ITGB4: variants seen among roughly 807,000 people sequenced by gnomAD.
ITGB4 encodes the protein integrin beta-4.
In ITGB4, 159 loss-of-function variants were observed where a neutral mutation model predicts 207.6. The observed-to-expected ratio is 0.77, with a 90% CI of 0.67 to 0.87. The LOEUF (loss-of-function observed/expected upper bound fraction) is 0.87, where lower values mean the gene tolerates loss of function less well. ITGB4 is among the 40% of genes least tolerant of loss of function. ITGB4 has a pLI of 0.00. For synonymous variants in ITGB4, 1,020 were observed against 1,062.7 expected (o/e 0.96, Z 0.78); for missense variants, 2,278 against 2,546.8 (o/e 0.89, Z 2.27).
rs752995491 is a variant in ITGB4, at chr17:75,752,544, G to A, written c.4075G>A (p.Gly1359Ser). ...CGATGACGTTCTACGCTCTCCATCG[G>A]GCAGCCAGAGGCCCAGCGTCTCCGA... is the stretch of plus-strand genomic sequence containing the variant. ...YSDDVLRSPS[G>S]SQRPSVSDDT... The change falls in exon 32 of 40, where the codon GGC becomes AGC. Residue 1359 changes from glycine to serine, a missense_variant. Physicochemically the swap from Gly to Ser is moderately conservative, Grantham distance 56 (BLOSUM62 0). Coordinates refer to ENST00000200181, the MANE Select transcript of ITGB4 (RefSeq NM_000213.5). 2 of 1,613,586 alleles carry A rather than the reference G, an allele frequency of 1.2e-6. No homozygotes were observed. The highest frequency in any genetic ancestry group is 3.3e-5 in the Admixed American group (2 of 60,020).
At chr17:75,736,479 G>T in intron 15 of ITGB4, 86 bp from the exon 16 acceptor site, 1 of 1,607,850 alleles carries the variant, frequency 6.2e-7, no homozygotes, top group South Asian at 1.1e-5. Flanking sequence ...CACAGGAGCT[G>T]GCCAAGGGCA....
chr17:75,731,028 G>A lies in ITGB4; in HGVS notation c.1092+64G>A. 7 of 1,491,218 alleles carry A rather than the reference G, an allele frequency of 4.7e-6. No individual in the cohort carries two copies. The highest frequency in any genetic ancestry group is 6.5e-6 in the Non-Finnish European group (7 of 1,070,422). 92.4% of individuals were successfully genotyped at this position (1,491,218 alleles called of 1,614,324 possible). A position where few individuals can be genotyped will look rare whatever the true frequency, so the allele number is the denominator to read the frequency against. The stretch of plus-strand genomic sequence containing the variant: ...GGGCAGGGCAGGAAGTGGGCAGGGT[G>A]GGCAAGAGGTGTCTTGGATCACGGT... On this transcript the variant is annotated intron_variant, in intron 9 of 39. Coordinates refer to ENST00000200181, the MANE Select transcript of ITGB4 (RefSeq NM_000213.5). The surrounding 1 kb of genome is among the most constrained non-coding windows in gnomAD (Gnocchi z 6.8).
chr17:75,723,631 C>A (rs952802296), intron 1 of ITGB4, among the ~76,000 whole-genome samples: 14 of 152,266 alleles, frequency 9.2e-5, no homozygotes, highest in Non-Finnish European at 1.6e-4. Context: ...AAGCAGGCTA[C>A]GCCTTCCTGC....
Position 75,753,892 on chromosome 17 carries a change from GC to G in ITGB4, c.4240del (p.His1414ThrfsTer30). 7 of 1,302,150 alleles carry G rather than the reference GC, an allele frequency of 5.4e-6. No individual in the cohort carries two copies. The highest frequency in any genetic ancestry group is 6.8e-6 in the Non-Finnish European group (7 of 1,030,724). 80.7% of individuals were successfully genotyped at this position (1,302,150 alleles called of 1,614,324 possible). A position where few individuals can be genotyped will look rare whatever the true frequency, so the allele number is the denominator to read the frequency against. Reference protein sequence around the residue: ...SSGRSSDAEAPHGPPDDGGAG... With the variant: ...SSGRSSDAEAXHGPPDDGGAG... ...GCGGGCGCTCCTCCGACGCCGAGGC[GC>G]CCCACGGGCCCCCGGACGACGGCGG... On this transcript the variant is annotated frameshift_variant, in exon 33 of 40. Coordinates refer to ENST00000200181, the MANE Select transcript of ITGB4 (RefSeq NM_000213.5). LOFTEE classifies it high-confidence loss of function.
At position 75,737,409 on chromosome 17, in the gene ITGB4, G is replaced by C. The variant is rs771521521; in HGVS notation, c.2078G>C (p.Gly693Ala). 2.6e-6 allele frequency: 4 copies of C among 1,560,118 alleles called. No homozygotes were observed. In the African/African-American group the frequency reaches 5.5e-5, roughly 21 times the overall value. Residue 693 changes from glycine to alanine, a missense_variant, in exon 17 of 40, where the codon GGG becomes GCG. By Grantham distance (60) the Gly-to-Ala change is moderately conservative. Coordinates refer to ENST00000200181, the MANE Select transcript of ITGB4 (RefSeq NM_000213.5). ...ACCATGGAAGGTGACGGCGCCCCTG[G>C]GCCCAACAGCACTGTCCTGGTGCAC... ...SYTMEGDGAP[G>A]PNSTVLVHKK...
chr17:75,727,239 G>A lies in ITGB4; in HGVS notation c.124G>A (p.Val42Ile), dbSNP rs1568342331. Residue 42 changes from valine to isoleucine, a missense_variant, in exon 3 of 40, where the codon GTC (valine) becomes ATC (isoleucine). Physicochemically the swap from Val to Ile is conservative, Grantham distance 29. Coordinates refer to ENST00000200181, the MANE Select transcript of ITGB4 (RefSeq NM_000213.5). This position sits in a 1 kb window ranked among gnomAD's most constrained non-coding sequence, Gnocchi z 6.0. ...KAPVKSCTEC[V>I]RVDKDCAYCT... ...CCCAGTGAAGAGCTGCACGGAGTGT[G>A]TCCGTGTGGATAAGGACTGCGCCTA... 4 of 1,614,092 alleles carry A rather than the reference G, an allele frequency of 2.5e-6. No individual in the cohort carries two copies. The highest frequency in any genetic ancestry group is 8.5e-7 in the Non-Finnish European group (1 of 1,180,002).
At position 75,727,159 on chromosome 17, in the gene ITGB4, G is replaced by A. The variant is rs2584100; in HGVS notation, c.80-36G>A. The A allele has an allele frequency of 0.54, 864,947 of 1,589,292 alleles. 243,720 individuals carry two copies. The highest frequency in any genetic ancestry group is 0.58 in the Non-Finnish European group (677,335 of 1,159,812). ...GGGAAAGTGCTTGCCTTTGCTGAGC[G>A]CCTCCCCATTCATGTGCCCACATCT... On this transcript the variant is annotated intron_variant, in intron 2 of 39. Coordinates refer to ENST00000200181, the MANE Select transcript of ITGB4 (RefSeq NM_000213.5). This position sits in a 1 kb window ranked among gnomAD's most constrained non-coding sequence, Gnocchi z 6.0.
Position 75,722,853 on chromosome 17 carries a change from A to C in ITGB4, c.-11+1241A>C, listed in dbSNP as rs538167813. 6.6e-6 allele frequency among the ~76,000 whole-genome samples: 1 copy of C among 151,334 alleles called. No individual in the cohort carries two copies. Among genetic ancestry groups the C allele is most frequent in the Admixed American group, 6.6e-5 (1 of 15,186 alleles). ...ATGGCATTCAGGGTGGCAGTCACACACTCCAGGGACCTGCTGGTACATAAA... is the reference window on the plus strand; with the variant it reads ...ATGGCATTCAGGGTGGCAGTCACACCCTCCAGGGACCTGCTGGTACATAAA... On this transcript the variant is annotated intron_variant, in intron 1 of 39. Coordinates refer to ENST00000200181, the MANE Select transcript of ITGB4 (RefSeq NM_000213.5). The surrounding 1 kb of genome is among the most constrained non-coding windows in gnomAD (Gnocchi z 6.2).
chr17:75,727,220 GA>G lies in ITGB4; in HGVS notation c.107del (p.Lys36ArgfsTer125), dbSNP rs2060737432. 6.2e-7 allele frequency: 1 copy of G among 1,614,096 alleles called. No individual in the cohort carries two copies. Among genetic ancestry groups the G allele is most frequent in the South Asian group, 1.1e-5 (1 of 91,036 alleles). On this transcript the variant is annotated frameshift_variant, in exon 3 of 40. Transcript: ENST00000200181. LOFTEE classifies it high-confidence loss of function. The surrounding 1 kb of genome is among the most constrained non-coding windows in gnomAD (Gnocchi z 6.0). ...LANRCKKAPV[K>X]SCTECVRVDK... ...CAAACCGCTGCAAGAAGGCCCCAGT[GA>G]AGAGCTGCACGGAGTGTGTCCGTGT... is the stretch of plus-strand genomic sequence containing the variant.
At position 75,740,102 on chromosome 17, in the gene ITGB4, G is replaced by A; in HGVS notation, c.2446+31G>A. The A allele has an allele frequency of 1.3e-6, 2 of 1,592,962 alleles. No individual in the cohort carries two copies. Among genetic ancestry groups the A allele is most frequent in the Non-Finnish European group, 1.7e-6 (2 of 1,168,990 alleles). ...GGCGGGGCTGGGCGCCACAGCTCTG[G>A]GCAGTGCCCTTCGGGCCCTCTGTTC... is the stretch of plus-strand genomic sequence containing the variant. On this transcript the variant is annotated intron_variant, in intron 20 of 39. Transcript: ENST00000200181. The surrounding 1 kb of genome is among the most constrained non-coding windows in gnomAD (Gnocchi z 5.9).
intron 23 of ITGB4, chr17:75,741,207 C>G: frequency 1.5e-6 from 1 of 685,426 alleles, no homozygotes; most frequent in Non-Finnish European, 2.6e-6. Flanking sequence ...ATGAAGTGGC[C>G]CCTGGACTAG....
chr17:75,726,549 T>C (rs1599213378), intron 2 of ITGB4, among the ~76,000 whole-genome samples: 1 of 151,514 alleles, frequency 6.6e-6, no homozygotes, highest in East Asian at 1.9e-4. Context: ...CTAGCCAACA[T>C]GGTGGAACCC....
At chr17:75,745,729 A>G (rs920787380) in intron 26 of ITGB4, among the ~76,000 whole-genome samples, 14 of 152,162 alleles carry the variant, frequency 9.2e-5, no homozygotes, top group African/African-American at 3.4e-4. Context: ...AAATACAAAA[A>G]TTAGCTGGGC....
intron 2 of ITGB4, 124 bp downstream of exon 2, chr17:75,724,906 GC>G (rs1389259903): frequency 1.2e-6 from 1 of 813,390 alleles, no homozygotes; most frequent in East Asian, 2.6e-5. Flanking sequence ...ACTGACCACT[GC>G]CCACCTTCAG....
intron 35 of ITGB4, 21 bp downstream of exon 35, chr17:75,755,871 G>A (rs772807976): frequency 6.3e-7 from 1 of 1,597,826 alleles, no homozygotes; most frequent in Non-Finnish European, 8.5e-7. Flanking sequence ...GTGGCTGCCA[G>A]GCTGCGGGGT....
chr17:75,721,914 G>T (rs1356463112), intron 1 of ITGB4, among the ~76,000 whole-genome samples: 1 of 152,170 alleles, frequency 6.6e-6, no homozygotes, highest in African/African-American at 2.4e-5. Flanking sequence ...GCCCCTCCAG[G>T]GTTTGCAAAG....
At chr17:75,735,015 TTGTC>T in intron 13 of ITGB4, among the ~76,000 whole-genome samples, 1 of 152,366 alleles carries the variant, frequency 6.6e-6, no homozygotes, top group East Asian at 1.9e-4. Context: ...ATCTAATAAT[TTGTC>T]TGTAGATTCT....
Position 75,728,393 on chromosome 17 carries a change from G to A in ITGB4, c.486G>A (p.Gln162=). 1.2e-6 allele frequency: 2 copies of A among 1,614,120 alleles called. No homozygotes were observed. Among genetic ancestry groups the A allele is most frequent in the South Asian group, 2.2e-5 (2 of 91,084 alleles). ...MGQNLARVLS[Q]LTSDYTIGFG... ...GACATCCAGCTCGGGTCCTGAGCCA[G>A]CTCACCAGCGACTACACTATTGGAT... Residue 162 remains glutamine (Q), a synonymous_variant, in exon 6 of 40, where the codon CAG becomes CAA. Transcript: ENST00000200181.
intron 26 of ITGB4, among the ~76,000 whole-genome samples, chr17:75,746,685 A>G (rs1483555856): frequency 6.6e-6 from 1 of 150,546 alleles, no homozygotes; most frequent in Admixed American, 6.6e-5. Context: ...CATGCCTGTA[A>G]TCCCAGCACT....
Sources: allele counts gnomAD v4.1 joint callset (sites outside exome capture counted in the v4.1 genomes callset), GRCh38; gene constraint gnomAD v4.1.1; non-coding constraint Gnocchi (gnomAD v3.1); transcripts MANE v1.5; gene names NCBI Gene and HGNC (gene_info 2026-07-23, HGNC 2026-07-21).